Variants in NRP1 observed in about 807,000 individuals in gnomAD.
The protein encoded by NRP1 is neuropilin-1.
Under a neutral mutation model 106.7 loss-of-function variants are expected in NRP1, and 35 were observed. That is an observed-to-expected ratio of 0.33 (90% CI 0.25 to 0.43). NRP1 has a LOEUF of 0.43. NRP1 is among the 20% of genes least tolerant of loss of function. The pLI is 1.00. For synonymous variants in NRP1, 437 were observed against 417.9 expected (o/e 1.05, Z -0.56); for missense variants, 1,024 against 1,170.4 (o/e 0.87, Z 1.83).
At chr10:33,216,345 C>G (rs962187494) in intron 8 of NRP1, among the ~76,000 whole-genome samples, 1 of 151,988 alleles carries the variant, frequency 6.6e-6, no homozygotes, top group East Asian at 1.9e-4. Context: ...ACAGTGTTAG[C>G]CAGGATGGTC....
chr10:33,230,070 C>A (rs1037764055), intron 6 of NRP1, among the ~76,000 whole-genome samples: 5 of 142,552 alleles, frequency 3.5e-5, no homozygotes, highest in Admixed American at 1.5e-4. Context: ...AGAACTCTAA[C>A]AACATACAGC....
chr10:33,324,829 G>T (rs78691865), intron 2 of NRP1, among the ~76,000 whole-genome samples: 1 of 152,130 alleles, frequency 6.6e-6, no homozygotes, highest in African/African-American at 2.4e-5. Context: ...GTAGAGACGG[G>T]GTTTCACCAT....
chr10:33,292,291 G>C (rs760087811), intron 2 of NRP1, among the ~76,000 whole-genome samples: 5 of 151,668 alleles, frequency 3.3e-5, no homozygotes, highest in Admixed American at 2.6e-4. Context: ...CACTTGTATC[G>C]ATTAAGAATG....
At chr10:33,251,955 G>A (rs578110838) in intron 6 of NRP1, among the ~76,000 whole-genome samples, 2 of 152,206 alleles carry the variant, frequency 1.3e-5, no homozygotes, top group East Asian at 3.9e-4. Flanking sequence ...CACCCCCACG[G>A]ACCAAAGTGA....
chr10:33,303,241 C>T (rs80297632), intron 2 of NRP1, among the ~76,000 whole-genome samples: 3,189 of 152,200 alleles, frequency 0.021, 107 homozygotes, highest in African/African-American at 0.073. Context: ...CAAACATTTT[C>T]GAAAGACCTT....
chr10:33,268,138 GC>G (rs1175758729), intron 3 of NRP1, among the ~76,000 whole-genome samples: 1 of 152,122 alleles, frequency 6.6e-6, no homozygotes, highest in African/African-American at 2.4e-5. Context: ...CATGACCTGT[GC>G]TTTTGTGTGT....
In NRP1 at chr10:33,221,869, T is replaced by C. The variant is rs765538436; in HGVS notation, c.1138-6A>G. 10 of 1,599,886 alleles carry C rather than the reference T, an allele frequency of 6.3e-6. No homozygotes were observed. Among genetic ancestry groups the C allele is most frequent in the African/African-American group, 2.7e-5 (2 of 74,702 alleles). On this transcript the variant is annotated splice_polypyrimidine_tract_variant and splice_region_variant and intron_variant, in intron 7 of 16. Coordinates refer to ENST00000374867, the MANE Select transcript of NRP1 (RefSeq NM_003873.7). Reference sequence around the variant, plus strand: ...TTGGTGTTTCCCTGAAAGAGCTGTATGGGGAAAAAAAGTGCCTTTCTTTAG... The same window carrying C: ...TTGGTGTTTCCCTGAAAGAGCTGTACGGGGAAAAAAAGTGCCTTTCTTTAG...
chr10:33,259,255 C>A (rs1029666038), intron 4 of NRP1, among the ~76,000 whole-genome samples: 4 of 152,170 alleles, frequency 2.6e-5, no homozygotes, highest in African/African-American at 9.7e-5. Flanking sequence ...GGTAAATCTG[C>A]CTTCTGTCCC....
intron 1 of NRP1, among the ~76,000 whole-genome samples, chr10:33,331,646 T>C (rs1036812373): frequency 3.9e-5 from 6 of 152,216 alleles, no homozygotes; most frequent in Non-Finnish European, 7.3e-5. Context: ...TCACATATGG[T>C]AACCCACATT....
At chr10:33,321,572 A>G (rs551486135) in intron 2 of NRP1, among the ~76,000 whole-genome samples, 1 of 152,266 alleles carries the variant, frequency 6.6e-6, no homozygotes, top group Non-Finnish European at 1.5e-5. Context: ...CTTTAAATGT[A>G]AGAATGTATG....
At chr10:33,326,965 T>TA (rs202071661) in intron 2 of NRP1, among the ~76,000 whole-genome samples, 60 of 149,554 alleles carry the variant, frequency 4.0e-4, no homozygotes, top group Middle Eastern at 6.8e-3. Context: ...AAATAAAAAA[T>TA]TTTTTTTTTT....
chr10:33,325,342 A>C (rs762460468), intron 2 of NRP1, among the ~76,000 whole-genome samples: 1 of 152,216 alleles, frequency 6.6e-6, no homozygotes, highest in Non-Finnish European at 1.5e-5. Flanking sequence ...AAAAGCCAAA[A>C]ACTCAGTGAT....
At chr10:33,265,533 G>A (rs1842861740) in intron 3 of NRP1, among the ~76,000 whole-genome samples, 2 of 152,176 alleles carry the variant, frequency 1.3e-5, no homozygotes, top group Non-Finnish European at 2.9e-5. Context: ...AGTGATTCAG[G>A]TCAGGAGGCT....
At chr10:33,189,847 G>A (rs150695560) in intron 13 of NRP1, among the ~76,000 whole-genome samples, 3 of 152,194 alleles carry the variant, frequency 2.0e-5, no homozygotes, top group African/African-American at 7.2e-5. Flanking sequence ...CGGGAGCTTC[G>A]TGAAGGGCTC....
At chr10:33,222,570 G>A (rs1289829218) in intron 7 of NRP1, among the ~76,000 whole-genome samples, 1 of 151,208 alleles carries the variant, frequency 6.6e-6, no homozygotes, top group East Asian at 1.9e-4. Flanking sequence ...AGCCAGGCTG[G>A]AGTGCAGTGA....
intron 7 of NRP1, among the ~76,000 whole-genome samples, chr10:33,222,986 G>C (rs1839378709): frequency 2.0e-5 from 3 of 152,178 alleles, no homozygotes. Context: ...TACCATTACA[G>C]AATACTCTGC....
intron 2 of NRP1, among the ~76,000 whole-genome samples, chr10:33,277,386 T>C (rs1843782018): frequency 6.6e-6 from 1 of 152,204 alleles, no homozygotes; most frequent in Admixed American, 6.5e-5. Context: ...CAAGGTTGGC[T>C]CCTGGAGGGG....
chr10:33,256,197 G>A, intron 5 of NRP1, 119 bp downstream of exon 5: 1 of 936,532 alleles, frequency 1.1e-6, no homozygotes, highest in Admixed American at 2.2e-5. Flanking sequence ...GAGAAAAACA[G>A]ACAGCTGGCA....
Position 33,258,598 on chromosome 10 carries a change from T to C in NRP1, c.659-2127A>G, listed in dbSNP as rs560724433. ...AATTTTGTTATATTCGACTTCTCAG[T>C]TGGCAGAAGAAAGCATCTCAGAAGA... is the stretch of plus-strand genomic sequence containing the variant. On this transcript the variant is annotated intron_variant, in intron 4 of 16. Transcript: ENST00000374867. Among the ~76,000 whole-genome samples the C allele has an allele frequency of 3.9e-5, 6 of 152,334 alleles. No homozygotes were observed. In the South Asian group the frequency reaches 8.3e-4, roughly 21 times the overall value.
Sources: gnomAD v4.1 joint callset for allele counts (sites outside exome capture counted in the v4.1 genomes callset) on GRCh38, gnomAD v4.1.1 for gene constraint, MANE v1.5 for transcripts, NCBI Gene and HGNC (gene_info 2026-07-23, HGNC 2026-07-21) for gene names.